CD1D: variants seen among roughly 807,000 people sequenced by gnomAD.
The protein encoded by CD1D is antigen-presenting glycoprotein CD1d.
A neutral mutation model predicts 42.1 loss-of-function variants in CD1D; 40 were observed. That is an observed-to-expected ratio of 0.95 (90% CI 0.74 to 1.24). The LOEUF is 1.24. Among genes scored for constraint, CD1D ranks in the 50% most tolerant of loss-of-function variants. The pLI, the probability that CD1D is intolerant of heterozygous loss-of-function variation, is 0.00. For synonymous variants in CD1D, 178 were observed against 171.8 expected (o/e 1.04, Z -0.28); for missense variants, 437 against 416.5 (o/e 1.05, Z -0.43).
At chr1:158,178,249 C>G (rs747343879), upstream of CD1D, among the ~76,000 whole-genome samples, 25 of 152,166 alleles carry the variant, frequency 1.6e-4, no homozygotes, top group Non-Finnish European at 3.2e-4. Flanking sequence ...TGAGCAATTG[C>G]ACTTGAATGC....
upstream of CD1D, among the ~76,000 whole-genome samples, chr1:158,179,014 CCA>C (rs3065146): frequency 1.3e-5 from 2 of 151,078 alleles, no homozygotes; most frequent in South Asian, 2.1e-4. Flanking sequence ...AACAAAAAAA[CCA>C]CACACACACA....
chr1:158,184,206 T>C lies in CD1D; in HGVS notation c.*56T>C, dbSNP rs426336. On this transcript the variant is annotated 3_prime_UTR_variant, in exon 6 of 6. Coordinates refer to ENST00000674085, the MANE Select transcript of CD1D (RefSeq NM_001371762.2). ...CCAGGACCTCTGGACCTCAGGTTCC[T>C]AAGACTTCAGTCCTGGTCTGCTCAG... 1,591,808 of 1,593,514 alleles carry C rather than the reference T, an allele frequency of 1. 795,069 individuals carry two copies. Among genetic ancestry groups the C allele is most frequent in the East Asian group, 1 (44,785 of 44,786 alleles).
chr1:158,184,040 G>T lies in CD1D; in HGVS notation c.986+5G>T. 1 of 1,614,000 alleles carries T rather than the reference G, an allele frequency of 6.2e-7. No homozygotes were observed. Among genetic ancestry groups the T allele is most frequent in the South Asian group, 1.1e-5 (1 of 91,078 alleles). ...CTCCCGGTTTAAGAGGCAAACGTAA[G>T]TCTCCCCTTTCCCTTTCCTCAACCT... On this transcript the variant is annotated splice_donor_5th_base_variant and intron_variant, in intron 5 of 5. Transcript: ENST00000674085.
chr1:158,184,360 C>T lies in CD1D; in HGVS notation c.*210C>T, dbSNP rs879779707. On this transcript the variant is annotated 3_prime_UTR_variant, in exon 6 of 6. Coordinates refer to ENST00000674085, the MANE Select transcript of CD1D (RefSeq NM_001371762.2). ...AATTTAAATTCTTTTTCAAAAATTA[C>T]ACTACAAGTTTATAAGCCCAAATGG... The T allele has an allele frequency of 9.9e-5, 60 of 604,044 alleles. No individual in the cohort carries two copies. Among genetic ancestry groups the T allele is most frequent in the Non-Finnish European group, 1.5e-4 (50 of 343,768 alleles). The allele number at this position is 604,044 out of a possible 1,614,324, so 37.4% of individuals were successfully genotyped here.
At position 158,182,026 on chromosome 1, in the gene CD1D, C is replaced by G; in HGVS notation, c.329-6C>G. ...TTCTTTGATCTTTCTCCATTCCTCT[C>G]CACAGATCCCTTGGAGCTCCAGGTG... On this transcript the variant is annotated splice_polypyrimidine_tract_variant and splice_region_variant and intron_variant, in intron 2 of 5. Coordinates refer to ENST00000674085, the MANE Select transcript of CD1D (RefSeq NM_001371762.2). 1 of 1,599,982 alleles carries G rather than the reference C, an allele frequency of 6.3e-7. No individual in the cohort carries two copies.
chr1:158,183,870 C>G (rs1648576874), intron 4 of CD1D, 66 bp from the exon 5 acceptor site: 2 of 1,250,416 alleles, frequency 1.6e-6, no homozygotes, highest in Admixed American at 1.7e-5. Context: ...ATGCCTAGAC[C>G]AGGGGATTGG....
rs757319382 is a variant in CD1D at position 158,183,030 on chromosome 1, C to A, written c.760C>A (p.Leu254Met). Residue 254 changes from leucine (L) to methionine (M), a missense_variant, in exon 4 of 6, where the codon CTG (leucine) becomes ATG (methionine). Transcript: ENST00000674085. Reference sequence around the variant, plus strand: ...GCAGGGCACTCAGCCAGGGGACATCCTGCCCAATGCTGACGAGACATGGTA... The same window carrying A: ...GCAGGGCACTCAGCCAGGGGACATCATGCCCAATGCTGACGAGACATGGTA... ...EQQGTQPGDI[L>M]PNADETWYLR... The A allele has an allele frequency of 6.2e-6, 10 of 1,614,186 alleles. No homozygotes were observed. In the East Asian group the frequency reaches 1.8e-4, roughly 29 times the overall value.
Position 158,185,666 on chromosome 1 carries a change from A to G in CD1D, c.*1516A>G. 6.6e-6 allele frequency among the ~76,000 whole-genome samples: 1 copy of G among 152,168 alleles called. No individual in the cohort carries two copies. ...ATTGTGTCACTACAGTGTAAGGATG[A>G]CAGAGGGAGACCCTGTCTTAAAAAA... On this transcript the variant is annotated 3_prime_UTR_variant, in exon 6 of 6. Coordinates refer to ENST00000674085, the MANE Select transcript of CD1D (RefSeq NM_001371762.2).
In CD1D at chr1:158,181,138, CT is replaced by C. The variant is rs745504064; in HGVS notation, c.38del (p.Leu13ProfsTer56). On this transcript the variant is annotated frameshift_variant, in exon 1 of 6. Transcript: ENST00000674085. LOFTEE classifies it high-confidence loss of function. ...CLLFLLLWAL[L>X]QAWGSAEVPQ... ...GCTGTTTCTGCTGCTCTGGGCGCTCCTCCAGGCTTGGGGAAGCGCTGAAGGT... is the reference window on the plus strand; with the variant it reads ...GCTGTTTCTGCTGCTCTGGGCGCTCCCCAGGCTTGGGGAAGCGCTGAAGGT... 25 of 1,549,352 alleles carry C rather than the reference CT, an allele frequency of 1.6e-5. No homozygotes were observed. The African/African-American group carries it at 3.0e-4, about 19-fold the overall frequency.
Position 158,181,521 on chromosome 1 carries a change from G to T in CD1D, c.128G>T (p.Arg43Leu), listed in dbSNP as rs571302746. ...TCCTTCGCCAATAGCAGCTGGACGC[G>T]CACCGACGGCTTGGCGTGGCTGGGG... is the stretch of plus-strand genomic sequence containing the variant. ...ISSFANSSWTRTDGLAWLGEL... is the reference protein window; with the variant it reads ...ISSFANSSWTLTDGLAWLGEL... Residue 43 changes from arginine (R) to leucine (L), a missense_variant, in exon 2 of 6, where the codon CGC (arginine) becomes CTC (leucine). Coordinates refer to ENST00000674085, the MANE Select transcript of CD1D (RefSeq NM_001371762.2). 4 of 1,614,080 alleles carry T rather than the reference G, an allele frequency of 2.5e-6. No individual in the cohort carries two copies. The South Asian group carries it at 3.3e-5, about 13-fold the overall frequency.
intron 1 of CD1D, 27 bp downstream of exon 1, chr1:158,181,189 C>A: frequency 6.5e-7 from 1 of 1,548,200 alleles, no homozygotes; most frequent in Non-Finnish European, 8.7e-7. Flanking sequence ...CGCTTGAGTG[C>A]ACTCGCGGGA....
Position 158,181,013 on chromosome 1 carries a change from G to A in CD1D, c.-89G>A. The A allele has an allele frequency of 1.7e-6, 2 of 1,209,494 alleles. No individual in the cohort carries two copies. The highest frequency in any genetic ancestry group is 2.2e-6 in the Non-Finnish European group (2 of 891,170). The allele number at this position is 1,209,494 out of a possible 1,614,324, so 74.9% of individuals were successfully genotyped here. On this transcript the variant is annotated 5_prime_UTR_variant, in exon 1 of 6. Transcript: ENST00000674085. ...GGAATTGGCTGGCACCCAGCGGAAA[G>A]GGACGTGAGCTGAGCGGCGGGGGAG...
chr1:158,180,495 G>C (rs139141809), upstream of CD1D, among the ~76,000 whole-genome samples: 269 of 152,332 alleles, frequency 1.8e-3, 1 homozygote, highest in African/African-American at 6.3e-3. Flanking sequence ...TATGACAGTT[G>C]TAAAGAATTG....
chr1:158,184,065 T>C, intron 5 of CD1D, 30 bp downstream of exon 5: 3 of 1,612,992 alleles, frequency 1.9e-6, no homozygotes, highest in South Asian at 2.2e-5. Context: ...TTCCTCAACC[T>C]CTCTCCCCTT....
chr1:158,181,735 T>G lies in CD1D; in HGVS notation c.328+14T>G, dbSNP rs745308896. 1 of 1,604,890 alleles carries G rather than the reference T, an allele frequency of 6.2e-7. No individual in the cohort carries two copies. The highest frequency in any genetic ancestry group is 8.5e-7 in the Non-Finnish European group (1 of 1,179,794). On this transcript the variant is annotated intron_variant, in intron 2 of 5. Transcript: ENST00000674085. ...TACGCTTATCCTGTGAGCTGAGGGATAGGATCCTGGGCCGGTACCCAAGGG... is the reference window on the plus strand; with the variant it reads ...TACGCTTATCCTGTGAGCTGAGGGAGAGGATCCTGGGCCGGTACCCAAGGG...
rs559158267 is a variant in CD1D at position 158,183,102 on chromosome 1, T to G, written c.832T>G (p.Ser278Ala). The G allele has an allele frequency of 1.1e-5, 17 of 1,614,066 alleles. No individual in the cohort carries two copies. In the African/African-American group the frequency reaches 2.0e-4, roughly 19 times the overall value. The change falls in exon 4 of 6, where the codon TCC (serine) becomes GCC (alanine). Residue 278 changes from serine (S) to alanine (A), a missense_variant. Coordinates refer to ENST00000674085, the MANE Select transcript of CD1D (RefSeq NM_001371762.2). ...GGTGGCTGGGGAGGCAGCTGGCCTG[T>G]CCTGTCGGGTGAAGCACAGCAGTCT... ...DVVAGEAAGL[S>A]CRVKHSSLEG... is the part of the protein sequence containing the mutation.
At position 158,183,876 on chromosome 1, in the gene CD1D, ATTG is replaced by A. The variant is rs1648577404; in HGVS notation, c.887-59_887-57del. On this transcript the variant is annotated intron_variant, in intron 4 of 5. Transcript: ENST00000674085. ...CCCTCACACATGCCTAGACCAGGGG[ATTG>A]GATATATGTAGAGAGGGGTCCTGTG... The A allele has an allele frequency of 4.6e-6, 6 of 1,305,630 alleles. No individual in the cohort carries two copies. The South Asian group carries it at 7.1e-5, about 15-fold the overall frequency. 80.9% of individuals were successfully genotyped at this position (1,305,630 alleles called of 1,614,324 possible).
At chr1:158,181,193 C>A in intron 1 of CD1D, 31 bp downstream of exon 1, 1 of 1,546,132 alleles carries the variant, frequency 6.5e-7, no homozygotes, top group Non-Finnish European at 8.7e-7. Context: ...TGAGTGCACT[C>A]GCGGGAGGGC....
Position 158,181,070 on chromosome 1 carries a change from CGGCGCTCCGCGA to C in CD1D, c.-29_-18del. 1 of 1,529,346 alleles carries C rather than the reference CGGCGCTCCGCGA, an allele frequency of 6.5e-7. No homozygotes were observed. Among genetic ancestry groups the C allele is most frequent in the Non-Finnish European group, 8.8e-7 (1 of 1,135,988 alleles). 94.7% of individuals were successfully genotyped at this position (1,529,346 alleles called of 1,614,324 possible). On this transcript the variant is annotated 5_prime_UTR_variant, in exon 1 of 6. Transcript: ENST00000674085. ...GCGCAGGTCAGAGGGCGGCGCGCAG[CGGCGCTCCGCGA>C]GGTCCCCACGCCGGGCGATATGGGG...
Sources: allele counts gnomAD v4.1 joint callset (sites outside exome capture counted in the v4.1 genomes callset), GRCh38; gene constraint gnomAD v4.1.1; transcripts MANE v1.5; gene names NCBI Gene and HGNC (gene_info 2026-07-23, HGNC 2026-07-21).